Variants in MAML3 observed in about 807,000 individuals in gnomAD.
MAML3 encodes the protein mastermind like transcriptional coactivator 3.
In MAML3, 27 loss-of-function variants were observed where a neutral mutation model predicts 101.9. The observed-to-expected ratio is 0.27, with a 90% CI of 0.20 to 0.37. The LOEUF (loss-of-function observed/expected upper bound fraction) is 0.37. MAML3 is among the 10% of genes least tolerant of loss of function. MAML3 has a pLI of 1.00. For synonymous variants in MAML3, 501 were observed against 555.9 expected (o/e 0.90, Z 1.39); for missense variants, 1,316 against 1,444.9 (o/e 0.91, Z 1.45).
At chr4:140,027,767 A>G (rs1482028663) in intron 1 of MAML3, among the ~76,000 whole-genome samples, 1 of 152,196 alleles carries the variant, frequency 6.6e-6, no homozygotes, top group Admixed American at 6.5e-5. Context: ...GTCAATTTGA[A>G]TTCATTTTCT....
intron 1 of MAML3, among the ~76,000 whole-genome samples, chr4:139,947,251 C>G (rs190261064): frequency 6.6e-6 from 1 of 152,246 alleles, no homozygotes; most frequent in African/African-American, 2.4e-5. Flanking sequence ...AAGTCTAAAT[C>G]ACTATTTAAA....
At chr4:139,793,067 G>A (rs1163556426) in intron 2 of MAML3, among the ~76,000 whole-genome samples, 5 of 152,118 alleles carry the variant, frequency 3.3e-5, no homozygotes, top group Admixed American at 3.3e-4. Context: ...CTTTAAGAAT[G>A]CTGATGAGGA....
At chr4:140,029,657 T>A (rs768860453) in intron 1 of MAML3, among the ~76,000 whole-genome samples, 1 of 152,206 alleles carries the variant, frequency 6.6e-6, no homozygotes, top group Non-Finnish European at 1.5e-5. Flanking sequence ...AAATATTACA[T>A]CTATCATTTC....
chr4:139,843,342 C>T (rs762112634), intron 2 of MAML3, among the ~76,000 whole-genome samples: 26 of 152,186 alleles, frequency 1.7e-4, no homozygotes, highest in Non-Finnish European at 2.9e-4. Context: ...TGTCTACTCT[C>T]GGGTCCATGT....
chr4:139,905,491 C>CAGAAAAAAAAAAA (rs1732807346), intron 1 of MAML3, among the ~76,000 whole-genome samples: 1 of 79,976 alleles, frequency 1.3e-5, no homozygotes, highest in Non-Finnish European at 2.7e-5. Context: ...GACTCTGTCT[C>CAGAAAAAAAAAAA]AAAAAAAAAA....
At chr4:139,986,062 GA>G (rs1734532901) in intron 1 of MAML3, among the ~76,000 whole-genome samples, 1 of 152,208 alleles carries the variant, frequency 6.6e-6, no homozygotes, top group Non-Finnish European at 1.5e-5. Context: ...CAGCTCTATG[GA>G]AAGCAGGGTC....
chr4:140,066,730 T>C (rs896437623), intron 1 of MAML3, among the ~76,000 whole-genome samples: 1 of 152,222 alleles, frequency 6.6e-6, no homozygotes, highest in African/African-American at 2.4e-5. Flanking sequence ...GGACCTGGCC[T>C]AGAATAGCCA....
intron 1 of MAML3, among the ~76,000 whole-genome samples, chr4:140,009,355 C>T (rs1301708178): frequency 1.3e-5 from 2 of 152,156 alleles, no homozygotes; most frequent in Non-Finnish European, 2.9e-5. Flanking sequence ...ACAAGCTTTC[C>T]CGCTGCCCTC....
At chr4:140,096,911 A>C (rs77759464) in intron 1 of MAML3, among the ~76,000 whole-genome samples, 1,803 of 151,744 alleles carry the variant, frequency 0.012, 38 homozygotes, top group African/African-American at 0.042. Context: ...TTTTTTAAGG[A>C]GTTTTAGCAT....
Position 139,787,173 on chromosome 4 carries a change from C to T in MAML3, c.2080-56506G>A, listed in dbSNP as rs549400744. 5.3e-5 allele frequency among the ~76,000 whole-genome samples: 8 copies of T among 152,352 alleles called. No individual in the cohort carries two copies. In the East Asian group the frequency reaches 1.5e-3, roughly 29 times the overall value. On this transcript the variant is annotated intron_variant, in intron 2 of 4. Coordinates refer to ENST00000509479, the MANE Select transcript of MAML3 (RefSeq NM_018717.5). ...CAGCAGCGCTCCGTCCTGCGCCCCA[C>T]AGGGGATTTCCTTACACTTCACTTA...
At chr4:139,917,616 C>A (rs757427355) in intron 1 of MAML3, among the ~76,000 whole-genome samples, 2 of 152,094 alleles carry the variant, frequency 1.3e-5, no homozygotes, top group Non-Finnish European at 2.9e-5. Flanking sequence ...GAACTAAGAT[C>A]AATGGATGCA....
intron 2 of MAML3, among the ~76,000 whole-genome samples, chr4:139,875,351 G>A (rs1732091855): frequency 1.3e-5 from 2 of 152,116 alleles, no homozygotes; most frequent in Admixed American, 6.5e-5. Flanking sequence ...CTGCAAAAAC[G>A]GAGAGAACTG....
intron 1 of MAML3, among the ~76,000 whole-genome samples, chr4:139,894,653 C>T (rs1228593167): frequency 1.3e-5 from 2 of 152,160 alleles, no homozygotes; most frequent in African/African-American, 4.8e-5. Context: ...TCAAACACAG[C>T]CCATAGTCAT....
chr4:139,841,947 C>A (rs936500674), intron 2 of MAML3, among the ~76,000 whole-genome samples: 1 of 152,188 alleles, frequency 6.6e-6, no homozygotes, highest in Non-Finnish European at 1.5e-5. Context: ...TAGAGACAAC[C>A]GATGTCAGGA....
rs78392299 is a variant in MAML3 at position 140,016,081 on chromosome 4, T to A, written c.469-125114A>T. Among the ~76,000 whole-genome samples, 860 of 151,748 alleles carry A rather than the reference T, an allele frequency of 5.7e-3. 6 individuals are homozygous for A. The highest frequency in any genetic ancestry group is 0.02 in the African/African-American group (813 of 41,322). On this transcript the variant is annotated intron_variant, in intron 1 of 4. Coordinates refer to ENST00000509479, the MANE Select transcript of MAML3 (RefSeq NM_018717.5). ...AAAAGGACCTCCTAAAACTAGTGAG[T>A]CCAGCAAGATAACAGGATACAAGAT...
intron 2 of MAML3, among the ~76,000 whole-genome samples, chr4:139,806,772 T>C (rs901136159): frequency 1.3e-5 from 2 of 152,210 alleles, no homozygotes; most frequent in African/African-American, 4.8e-5. Flanking sequence ...TTATAAAGAA[T>C]GTTAAATGAC....
chr4:139,835,819 A>G (rs1370267268), intron 2 of MAML3, among the ~76,000 whole-genome samples: 1 of 152,236 alleles, frequency 6.6e-6, no homozygotes, highest in Non-Finnish European at 1.5e-5. Context: ...GTCAAATGTT[A>G]TCTTCATGAA....
At chr4:139,863,838 T>TTTTTTTTTTTTTTTTTG (rs1731837607) in intron 2 of MAML3, among the ~76,000 whole-genome samples, 1 of 34,222 alleles carries the variant, frequency 2.9e-5, no homozygotes. Context: ...ATGGGTTTTT[T>TTTTTTTTTTTTTTTTTG]TTTTTTTTTT....
intron 1 of MAML3, among the ~76,000 whole-genome samples, chr4:139,911,223 CTT>C (rs111860171): frequency 1.4e-5 from 2 of 145,544 alleles, no homozygotes; most frequent in Non-Finnish European, 1.5e-5. Flanking sequence ...TCAGAATTTC[CTT>C]TTTTTTTTTT....
Sources: gnomAD v4.1 joint callset for allele counts (sites outside exome capture counted in the v4.1 genomes callset) on GRCh38, gnomAD v4.1.1 for gene constraint, MANE v1.5 for transcripts, NCBI Gene and HGNC (gene_info 2026-07-23, HGNC 2026-07-21) for gene names.